WRN: variants seen among roughly 807,000 people sequenced by gnomAD.
WRN encodes the protein WRN RecQ like helicase, also known as bifunctional 3'-5' exonuclease/ATP-dependent helicase WRN.
WRN carries 149 observed loss-of-function variants against 180.7 expected under a neutral mutation model. The ratio of observed to expected loss-of-function variants is 0.82; its 90% CI spans 0.72 to 0.94. The LOEUF is 0.94. Ranked by LOEUF, WRN falls within the 40% of genes least tolerant of loss-of-function variation. The pLI, the probability that WRN is intolerant of heterozygous loss-of-function variation, is 0.00. For missense variants in WRN, 1,661 were observed against 1,700.1 expected (o/e 0.98, Z 0.40); for synonymous variants, 548 against 568.9 (o/e 0.96, Z 0.52).
chr8:31,050,396 T>A (rs1160071537), intron 1 of WRN, among the ~76,000 whole-genome samples: 1 of 152,120 alleles, frequency 6.6e-6, no homozygotes. Context: ...TAAATGACCG[T>A]CAAATAAAGA....
At chr8:31,153,840 A>G (rs1179437282) in intron 31 of WRN, among the ~76,000 whole-genome samples, 2 of 152,154 alleles carry the variant, frequency 1.3e-5, no homozygotes, top group Non-Finnish European at 2.9e-5. Context: ...ATTTCCTCAT[A>G]TATGTATACA....
At position 31,168,596 on chromosome 8, in the gene WRN, A is replaced by G. The variant is rs991781981; in HGVS notation, c.4191+1366A>G. Reference sequence around the variant, plus strand: ...ATACCTTATTTGGCCCCTTTTCCCCATTTAGGGGAACAAGGGTGTTGGGGC... The same window carrying G: ...ATACCTTATTTGGCCCCTTTTCCCCGTTTAGGGGAACAAGGGTGTTGGGGC... On this transcript the variant is annotated intron_variant, in intron 34 of 34. Transcript: ENST00000298139. Among the ~76,000 whole-genome samples, 9 of 151,572 alleles carry G rather than the reference A, an allele frequency of 5.9e-5. No homozygotes were observed. In the East Asian group the frequency reaches 1.6e-3, roughly 26 times the overall value.
At chr8:31,102,663 G>T (rs1035906338) in intron 18 of WRN, among the ~76,000 whole-genome samples, 1 of 152,212 alleles carries the variant, frequency 6.6e-6, no homozygotes, top group African/African-American at 2.4e-5. Flanking sequence ...TGTATAGGGT[G>T]CTTCCTGTGA....
intron 23 of WRN, among the ~76,000 whole-genome samples, chr8:31,130,708 G>A (rs1802129329): frequency 1.3e-5 from 2 of 151,084 alleles, no homozygotes; most frequent in Non-Finnish European, 2.9e-5. Flanking sequence ...TATTACTAGA[G>A]TAATTTATTT....
chr8:31,089,400 T>C (rs187706405), intron 13 of WRN, among the ~76,000 whole-genome samples: 62 of 152,128 alleles, frequency 4.1e-4, no homozygotes, highest in Non-Finnish European at 7.7e-4. Context: ...TGTTTACATC[T>C]AACAGGCACA....
chr8:31,089,912 G>T (rs11574247), intron 13 of WRN, among the ~76,000 whole-genome samples: 3 of 151,912 alleles, frequency 2.0e-5, no homozygotes, highest in Non-Finnish European at 4.4e-5. Context: ...AGGGTCAATC[G>T]AGGACACCAT....
intron 18 of WRN, among the ~76,000 whole-genome samples, chr8:31,105,831 GTAT>G (rs1801074687): frequency 6.6e-6 from 1 of 152,176 alleles, no homozygotes; most frequent in Non-Finnish European, 1.5e-5. Flanking sequence ...GATATCAGCA[GTAT>G]ATGAGTGATT....
chr8:31,068,379 T>G (rs1334411604), intron 7 of WRN, 52 bp downstream of exon 7: 3 of 1,462,606 alleles, frequency 2.1e-6, no homozygotes, highest in Admixed American at 1.8e-5. Flanking sequence ...GTGAGGTTTA[T>G]CTCCAAAAAA....
intron 1 of WRN, among the ~76,000 whole-genome samples, chr8:31,049,706 AT>A (rs1437805461): frequency 6.6e-6 from 1 of 152,058 alleles, no homozygotes; most frequent in African/African-American, 2.4e-5. Flanking sequence ...ATCTTATCTA[AT>A]TCATATGGAT....
At chr8:31,044,423 T>C (rs1403297251) in intron 1 of WRN, among the ~76,000 whole-genome samples, 1 of 143,116 alleles carries the variant, frequency 7.0e-6, no homozygotes, top group East Asian at 2.1e-4. Context: ...ATGGCACGTT[T>C]TCAGCTCACT....
At chr8:31,154,203 T>A (rs910384791) in intron 31 of WRN, among the ~76,000 whole-genome samples, 1 of 152,018 alleles carries the variant, frequency 6.6e-6, no homozygotes, top group Admixed American at 6.5e-5. Flanking sequence ...GAGAGTGTTA[T>A]GATATATTTC....
chr8:31,090,861 A>G lies in WRN; in HGVS notation c.1748A>G (p.Tyr583Cys), dbSNP rs933791992. ...TGYGKSLCFQYPPVYVGKIGL... is the reference protein window; with the variant it reads ...TGYGKSLCFQCPPVYVGKIGL... ...TATGGAAAGAGTTTGTGCTTCCAGT[A>G]TCCACCTGTTTATGTAGGCAAGATT... The change falls in exon 15 of 35, where the codon TAT (tyrosine) becomes TGT (cysteine). Residue 583 changes from tyrosine (Y) to cysteine (C), a missense_variant. By Grantham distance (194) the Tyr-to-Cys change is radical (BLOSUM62 -2). This residue lies in a region of WRN where 1,141 missense variants were observed against 1,149.4 expected (regional missense o/e 0.99). Transcript: ENST00000298139. 3 of 1,611,992 alleles carry G rather than the reference A, an allele frequency of 1.9e-6. No homozygotes were observed. The highest frequency in any genetic ancestry group is 1.7e-6 in the Non-Finnish European group (2 of 1,178,824).
intron 18 of WRN, among the ~76,000 whole-genome samples, chr8:31,108,929 C>T (rs529192321): frequency 6.6e-6 from 1 of 152,322 alleles, no homozygotes; most frequent in South Asian, 2.1e-4. Context: ...TGAATTAACT[C>T]AGGCTGAGTT....
rs748667880 is a variant in WRN, at chr8:31,111,799, G to A, written c.2273G>A (p.Ser758Asn). 3 of 1,613,136 alleles carry A rather than the reference G, an allele frequency of 1.9e-6. No individual in the cohort carries two copies. Among genetic ancestry groups the A allele is most frequent in the Non-Finnish European group, 2.5e-6 (3 of 1,179,706 alleles). The change falls in exon 19 of 35, where the codon AGT becomes AAT. Residue 758 changes from serine to asparagine, a missense_variant and splice_region_variant. This residue lies in a region of WRN where 1,141 missense variants were observed against 1,149.4 expected (regional missense o/e 0.99). Transcript: ENST00000298139. ...QDLQPFLVKT[S>N]SHWEFEGPTI... is the part of the protein sequence containing the mutation. ...CTGCAGCCATTTCTTGTCAAAACAA[G>A]GTAAGGATTTAATGGTTGATGAATT...
At chr8:31,172,009 A>T (rs527987266) in intron 34 of WRN, among the ~76,000 whole-genome samples, 1 of 152,302 alleles carries the variant, frequency 6.6e-6, no homozygotes, top group South Asian at 2.1e-4. Flanking sequence ...TTTCTCTGTC[A>T]TGTTATCCTG....
Position 31,162,983 on chromosome 8 carries a change from T to C in WRN, c.3983-4039T>C, listed in dbSNP as rs1258861976. Among the ~76,000 whole-genome samples, 5 of 152,334 alleles carry C rather than the reference T, an allele frequency of 3.3e-5. No homozygotes were observed. The East Asian group carries it at 9.6e-4, about 29-fold the overall frequency. On this transcript the variant is annotated intron_variant, in intron 33 of 34. Coordinates refer to ENST00000298139, the MANE Select transcript of WRN (RefSeq NM_000553.6). ...TATTTTTATAGTCTGTCCTTTTGAA[T>C]AGGCACTTAAGAATGTATGAACTTA...
Position 31,087,927 on chromosome 8 carries a change from A to C in WRN, c.1576+7A>C. ...GAAGAAGATGATGATAAGGGTAAGC[A>C]CTGAAGTATGTTTGAAATGACTCAC... On this transcript the variant is annotated splice_region_variant and intron_variant, in intron 12 of 34. Transcript: ENST00000298139. 1 of 1,612,114 alleles carries C rather than the reference A, an allele frequency of 6.2e-7. No individual in the cohort carries two copies. Among genetic ancestry groups the C allele is most frequent in the Non-Finnish European group, 8.5e-7 (1 of 1,178,930 alleles).
intron 1 of WRN, among the ~76,000 whole-genome samples, chr8:31,057,256 A>G (rs955569460): frequency 6.6e-5 from 10 of 152,124 alleles, no homozygotes; most frequent in African/African-American, 1.9e-4. Flanking sequence ...GAGACTCTTC[A>G]GTGTTACATT....
At chr8:31,149,077 A>C (rs550696773) in intron 30 of WRN, among the ~76,000 whole-genome samples, 18 of 152,226 alleles carry the variant, frequency 1.2e-4, no homozygotes, top group Non-Finnish European at 2.5e-4. Flanking sequence ...ACAGTGCTAC[A>C]TCTGACACTA....
Sources: gnomAD v4.1 joint callset for allele counts (sites outside exome capture counted in the v4.1 genomes callset) on GRCh38, gnomAD v4.1.1 for gene constraint, gnomAD v4.1.1 regional missense constraint, MANE v1.5 for transcripts, NCBI Gene and HGNC (gene_info 2026-07-23, HGNC 2026-07-21) for gene names.